SNTG1: variants seen among roughly 807,000 people sequenced by gnomAD.
SNTG1 encodes gamma-1-syntrophin.
Under a neutral mutation model 74.7 loss-of-function variants are expected in SNTG1, and 39 were observed. That is an observed-to-expected ratio of 0.52 (90% CI 0.40 to 0.68). The LOEUF is 0.68. SNTG1 is among the 30% of genes least tolerant of loss of function. SNTG1 has a pLI of 0.00. For missense variants in SNTG1, 685 were observed against 609.5 expected, an observed-to-expected ratio of 1.12 and a Z score of -1.30; for synonymous variants, 254 against 217.1, an observed-to-expected ratio of 1.17 and a Z score of -1.49.
chr8:50,732,699 GTCA>G (rs1259906562), intron 17 of SNTG1, among the ~76,000 whole-genome samples: 2 of 151,142 alleles, frequency 1.3e-5, no homozygotes, highest in East Asian at 1.9e-4. Flanking sequence ...ATTTTACAAC[GTCA>G]TCAACAATGT....
At chr8:50,135,754 T>C (rs1327837192) in intron 1 of SNTG1, among the ~76,000 whole-genome samples, 1 of 152,208 alleles carries the variant, frequency 6.6e-6, no homozygotes, top group Non-Finnish European at 1.5e-5. Context: ...TTTTTGTTTG[T>C]ATGTTTAATT....
intron 2 of SNTG1, among the ~76,000 whole-genome samples, chr8:50,321,512 A>G (rs1274269486): frequency 6.6e-6 from 1 of 151,846 alleles, no homozygotes; most frequent in Non-Finnish European, 1.5e-5. Context: ...TTGACTGGAG[A>G]GTTTAGTCCA....
At chr8:50,505,189 A>G (rs1158025850) in intron 9 of SNTG1, among the ~76,000 whole-genome samples, 2 of 152,180 alleles carry the variant, frequency 1.3e-5, no homozygotes, top group Non-Finnish European at 2.9e-5. Context: ...AGAATGAATA[A>G]CATTCTTTCA....
intron 18 of SNTG1, among the ~76,000 whole-genome samples, chr8:50,757,104 G>A (rs770055112): frequency 6.6e-6 from 1 of 151,646 alleles, no homozygotes; most frequent in Non-Finnish European, 1.5e-5. Context: ...GGTTTGGTAG[G>A]TAATTTTTAT....
rs2087063899 is a variant in SNTG1 at position 50,259,518 on chromosome 8, AAGAAAGAAAGAAAG to A, written c.-28+86885_-28+86898del. On this transcript the variant is annotated intron_variant, in intron 2 of 18. Coordinates refer to ENST00000642720, the MANE Select transcript of SNTG1 (RefSeq NM_018967.5). ...TGTCTCAAAAAAAAAAAAAGAAAGA[AAGAAAGAAAGAAAG>A]AAAGAAAGAAAGAAAGAAAGAAAGA... Among the ~76,000 whole-genome samples the A allele has an allele frequency of 1.4e-3, 12 of 8,726 alleles. 3 individuals are homozygous for A. Among genetic ancestry groups the A allele is most frequent in the Non-Finnish European group, 5.7e-3 (3 of 526 alleles). The allele number at this position is 8,726 out of a possible 152,430, so 5.7% of individuals were successfully genotyped here. A position where few individuals can be genotyped will look rare whatever the true frequency, so the allele number is the denominator to read the frequency against.
intron 15 of SNTG1, among the ~76,000 whole-genome samples, chr8:50,660,441 G>GAAAGAAAGAAAGAAAGAAAGAA (rs1486440255): frequency 1.6e-5 from 2 of 125,388 alleles, no homozygotes; most frequent in African/African-American, 6.2e-5. Flanking sequence ...AAGAAAGAAA[G>GAAAGAAAGAAAGAAAGAAAGAA]AGAAAAAAGA....
In SNTG1 at chr8:50,533,244, G is replaced by A. The variant is rs534953496; in HGVS notation, c.549+2985G>A. 1.5e-4 allele frequency among the ~76,000 whole-genome samples: 23 copies of A among 152,290 alleles called. No homozygotes were observed. In the South Asian group the frequency reaches 3.7e-3, roughly 25 times the overall value. ...ATTCAGATAATCAGCCAACCAGACTGAGAAACATTCTTCTTAACTGTACAC... is the reference window on the plus strand; with the variant it reads ...ATTCAGATAATCAGCCAACCAGACTAAGAAACATTCTTCTTAACTGTACAC... On this transcript the variant is annotated intron_variant, in intron 10 of 18. Transcript: ENST00000642720.
intron 15 of SNTG1, among the ~76,000 whole-genome samples, chr8:50,672,312 G>A (rs937289541): frequency 6.6e-6 from 1 of 152,094 alleles, no homozygotes; most frequent in African/African-American, 2.4e-5. Flanking sequence ...CAGTGTAAAA[G>A]TATTCCTATT....
At chr8:50,712,711 G>A (rs1387891506) in intron 17 of SNTG1, among the ~76,000 whole-genome samples, 1 of 151,178 alleles carries the variant, frequency 6.6e-6, no homozygotes, top group South Asian at 2.1e-4. Context: ...GTGTCTACCT[G>A]TTCTCATTGT....
intron 16 of SNTG1, among the ~76,000 whole-genome samples, chr8:50,706,399 A>T (rs1027226281): frequency 6.6e-6 from 1 of 152,130 alleles, no homozygotes; most frequent in African/African-American, 2.4e-5. Context: ...TGAAATTTAT[A>T]TTTTTAGGTT....
At chr8:50,746,615 C>A (rs1437722238) in intron 17 of SNTG1, among the ~76,000 whole-genome samples, 1 of 151,674 alleles carries the variant, frequency 6.6e-6, no homozygotes, top group African/African-American at 2.4e-5. Context: ...CAGAAAAAGA[C>A]ATTAGGTTAA....
chr8:50,436,157 A>C (rs559100400), intron 4 of SNTG1, among the ~76,000 whole-genome samples: 2 of 152,148 alleles, frequency 1.3e-5, no homozygotes, highest in African/African-American at 4.8e-5. Flanking sequence ...AAGACAACTG[A>C]TATGGGTTGT....
At chr8:50,031,202 T>G (rs1229676884) in intron 1 of SNTG1, among the ~76,000 whole-genome samples, 1 of 152,054 alleles carries the variant, frequency 6.6e-6, no homozygotes, top group Non-Finnish European at 1.5e-5. Flanking sequence ...TGTGTGTTGA[T>G]CTTGTTGGAT....
intron 2 of SNTG1, among the ~76,000 whole-genome samples, chr8:50,298,624 T>C (rs1374174063): frequency 6.6e-6 from 1 of 152,184 alleles, no homozygotes; most frequent in African/African-American, 2.4e-5. Context: ...GCAATCAAGA[T>C]ACATTTAATA....
At chr8:50,354,939 A>G (rs960667318) in intron 2 of SNTG1, among the ~76,000 whole-genome samples, 3 of 152,214 alleles carry the variant, frequency 2.0e-5, no homozygotes, top group Non-Finnish European at 4.4e-5. Flanking sequence ...ATTTGATACT[A>G]CTAAATTTCC....
chr8:50,493,292 A>G (rs574549953), intron 8 of SNTG1, among the ~76,000 whole-genome samples: 2 of 152,302 alleles, frequency 1.3e-5, no homozygotes, highest in African/African-American at 4.8e-5. Flanking sequence ...ATCCAACCAA[A>G]AACAAATGAA....
chr8:50,418,931 T>G (rs2093047581), intron 4 of SNTG1, among the ~76,000 whole-genome samples: 1 of 152,146 alleles, frequency 6.6e-6, no homozygotes, highest in Admixed American at 6.6e-5. Flanking sequence ...TATCCAGTCT[T>G]TCTTCTGGAA....
At chr8:49,968,485 T>C (rs1461739964) in intron 1 of SNTG1, among the ~76,000 whole-genome samples, 1 of 152,164 alleles carries the variant, frequency 6.6e-6, no homozygotes, top group Non-Finnish European at 1.5e-5. Context: ...AAAATTTTCA[T>C]AAGATCTAAA....
At chr8:50,643,600 G>T (rs1386060243) in intron 13 of SNTG1, among the ~76,000 whole-genome samples, 3 of 152,192 alleles carry the variant, frequency 2.0e-5, no homozygotes, top group African/African-American at 7.2e-5. Flanking sequence ...GGTATGTTTA[G>T]TTCATTTTAT....
Sources: allele counts gnomAD v4.1 joint callset (sites outside exome capture counted in the v4.1 genomes callset), GRCh38; gene constraint gnomAD v4.1.1; transcripts MANE v1.5; gene names NCBI Gene and HGNC (gene_info 2026-07-23, HGNC 2026-07-21).